The following DOCK5 variants were observed in gnomAD, a reference collection of about 807,000 sequenced individuals.
The protein encoded by DOCK5 is dedicator of cytokinesis 5.
DOCK5 carries 142 observed loss-of-function variants against 251.8 expected under a neutral mutation model. The ratio of observed to expected loss-of-function variants is 0.56; its 90% CI spans 0.49 to 0.65. The LOEUF is 0.65. DOCK5 is among the 30% of genes least tolerant of loss of function. The pLI is 0.00. For synonymous variants in DOCK5, 842 were observed against 835.5 expected, an observed-to-expected ratio of 1.01 and a Z score of -0.13; for missense variants, 2,111 against 2,312.3, an observed-to-expected ratio of 0.91 and a Z score of 1.79.
intron 51 of DOCK5, among the ~76,000 whole-genome samples, chr8:25,410,786 G>A (rs1801608661): frequency 6.7e-6 from 1 of 148,814 alleles, no homozygotes; most frequent in Admixed American, 6.9e-5. Flanking sequence ...TTTCACATTT[G>A]AAGAGTTTAC....
At chr8:25,222,834 G>A (rs1802430040) in intron 1 of DOCK5, among the ~76,000 whole-genome samples, 1 of 152,156 alleles carries the variant, frequency 6.6e-6, no homozygotes, top group Non-Finnish European at 1.5e-5. Flanking sequence ...ATCATCCAGT[G>A]AGGACAAAGT....
intron 1 of DOCK5, among the ~76,000 whole-genome samples, chr8:25,221,670 CCAT>C (rs749679641): frequency 1.3e-5 from 2 of 152,006 alleles, no homozygotes; most frequent in African/African-American, 4.8e-5. Context: ...CATCACCATC[CCAT>C]CATCATCATC....
intron 1 of DOCK5, among the ~76,000 whole-genome samples, chr8:25,223,031 T>A (rs1301030843): frequency 6.6e-6 from 1 of 152,146 alleles, no homozygotes; most frequent in Non-Finnish European, 1.5e-5. Flanking sequence ...AATCCATCCT[T>A]GCTTGAGCCC....
chr8:25,257,649 A>G (rs1249208910), intron 2 of DOCK5, among the ~76,000 whole-genome samples: 2 of 152,050 alleles, frequency 1.3e-5, no homozygotes, highest in Non-Finnish European at 2.9e-5. Flanking sequence ...TGCCACTCTT[A>G]CCCAGTGGTC....
chr8:25,350,418 AATGTGTAC>A (rs1293590514), intron 26 of DOCK5, among the ~76,000 whole-genome samples: 1 of 152,164 alleles, frequency 6.6e-6, no homozygotes, highest in East Asian at 1.9e-4. Flanking sequence ...TGAAAGAAAG[AATGTGTAC>A]ATCAGCCCTA....
chr8:25,267,618 T>C (rs1803792313), intron 2 of DOCK5, among the ~76,000 whole-genome samples: 1 of 152,184 alleles, frequency 6.6e-6, no homozygotes, highest in African/African-American at 2.4e-5. Context: ...GCCGTTACTT[T>C]CAGTGGCAAA....
At chr8:25,279,443 C>G (rs2709612) in intron 5 of DOCK5, among the ~76,000 whole-genome samples, 100,252 of 151,980 alleles carry the variant, frequency 0.66, 36,375 homozygotes, top group Non-Finnish European at 0.82. Context: ...TGCCTCATCT[C>G]CAGTGTAGAA....
intron 5 of DOCK5, among the ~76,000 whole-genome samples, chr8:25,287,118 A>G (rs74887936): frequency 0.036 from 5,423 of 152,182 alleles, 339 homozygotes; most frequent in African/African-American, 0.12. Context: ...AGGCAAAGCT[A>G]TTTTTTCTTG....
intron 13 of DOCK5, among the ~76,000 whole-genome samples, chr8:25,312,835 C>T (rs1015877539): frequency 4.0e-5 from 6 of 150,738 alleles, no homozygotes; most frequent in African/African-American, 7.3e-5. Context: ...AAGGCTGAAG[C>T]GGGAGCATCA....
At chr8:25,276,318 C>A (rs1288149720) in intron 4 of DOCK5, among the ~76,000 whole-genome samples, 8 of 152,064 alleles carry the variant, frequency 5.3e-5, no homozygotes. Context: ...GCAAATGTGC[C>A]CTGAAGATAA....
At chr8:25,302,919 G>A (rs1272614510) in intron 10 of DOCK5, among the ~76,000 whole-genome samples, 1 of 152,176 alleles carries the variant, frequency 6.6e-6, no homozygotes, top group Non-Finnish European at 1.5e-5. Flanking sequence ...AGGGGGAATG[G>A]GGAGTTAGTG....
chr8:25,253,427 C>A (rs1352142324), intron 2 of DOCK5, among the ~76,000 whole-genome samples: 1 of 152,172 alleles, frequency 6.6e-6, no homozygotes, highest in Non-Finnish European at 1.5e-5. Context: ...CCTTCCATCC[C>A]ATGCACACAC....
At chr8:25,241,580 G>C (rs1176348654) in intron 1 of DOCK5, among the ~76,000 whole-genome samples, 1 of 152,140 alleles carries the variant, frequency 6.6e-6, no homozygotes, top group Non-Finnish European at 1.5e-5. Context: ...CAATCATTGT[G>C]GAAAACAGTG....
intron 3 of DOCK5, chr8:25,270,758 T>G: frequency 1.4e-6 from 1 of 706,396 alleles, no homozygotes; most frequent in Non-Finnish European, 2.6e-6. Context: ...ATCCTATGAT[T>G]TTTTAATATA....
chr8:25,390,788 G>A (rs1801243314), intron 42 of DOCK5, among the ~76,000 whole-genome samples: 1 of 150,890 alleles, frequency 6.6e-6, no homozygotes, highest in South Asian at 2.1e-4. Flanking sequence ...GATCACAAAT[G>A]TATGTGTAAG....
In DOCK5 at chr8:25,406,189, A is replaced by C. The variant is rs1344464702; in HGVS notation, c.5094-1794A>C. On this transcript the variant is annotated intron_variant, in intron 48 of 51. Transcript: ENST00000276440. Reference sequence around the variant, plus strand: ...TAGCCAGGATGGTGTCGATCTCCTGACCTCGTGATTCGCCCGCCTCAGCTT... The same window carrying C: ...TAGCCAGGATGGTGTCGATCTCCTGCCCTCGTGATTCGCCCGCCTCAGCTT... Among the ~76,000 whole-genome samples the C allele has an allele frequency of 2.6e-5, 4 of 151,824 alleles. No individual in the cohort carries two copies. The East Asian group carries it at 7.7e-4, about 29-fold the overall frequency.
chr8:25,397,291 G>T (rs1170544139), intron 45 of DOCK5, among the ~76,000 whole-genome samples: 2 of 152,182 alleles, frequency 1.3e-5, no homozygotes, highest in African/African-American at 4.8e-5. Flanking sequence ...GATTAAGGGA[G>T]ACATCCTGTG....
At chr8:25,353,855 C>T (rs1159217063) in intron 27 of DOCK5, among the ~76,000 whole-genome samples, 1 of 151,756 alleles carries the variant, frequency 6.6e-6, no homozygotes, top group Non-Finnish European at 1.5e-5. Context: ...GAAACTCTGT[C>T]TCTACTAAAT....
intron 1 of DOCK5, among the ~76,000 whole-genome samples, chr8:25,205,993 G>C (rs1221589559): frequency 6.6e-6 from 1 of 152,150 alleles, no homozygotes; most frequent in Non-Finnish European, 1.5e-5. Flanking sequence ...GGGAAAGGAA[G>C]GCTGAACATG....
Sources: allele counts gnomAD v4.1 joint callset (sites outside exome capture counted in the v4.1 genomes callset), GRCh38; gene constraint gnomAD v4.1.1; transcripts MANE v1.5; gene names NCBI Gene and HGNC (gene_info 2026-07-23, HGNC 2026-07-21).